Variants in FER observed in about 807,000 individuals in gnomAD.
FER encodes tyrosine-protein kinase Fer.
In FER, 63 loss-of-function variants were observed where a neutral mutation model predicts 111.0. The observed-to-expected ratio is 0.57, with a 90% CI of 0.46 to 0.70. FER has a LOEUF of 0.70. Among genes scored for constraint, FER ranks in the 30% least tolerant of loss-of-function variants. The pLI is 0.00. For missense variants in FER, 914 were observed against 954.0 expected (o/e 0.96, Z 0.55); for synonymous variants, 327 against 313.9 (o/e 1.04, Z -0.44).
At chr5:108,962,778 C>G (rs1759307108) in intron 13 of FER, among the ~76,000 whole-genome samples, 1 of 151,982 alleles carries the variant, frequency 6.6e-6, no homozygotes, top group Non-Finnish European at 1.5e-5. Context: ...GCTGTTATTG[C>G]TATAAAATAT....
intron 5 of FER, among the ~76,000 whole-genome samples, chr5:108,853,931 G>T (rs754680234): frequency 3.3e-5 from 5 of 152,216 alleles, no homozygotes; most frequent in African/African-American, 4.8e-5. Context: ...TAAGGAGACA[G>T]TTACTTCCAG....
chr5:108,805,497 T>G (rs1757110089), intron 3 of FER, among the ~76,000 whole-genome samples: 1 of 152,088 alleles, frequency 6.6e-6, no homozygotes, highest in Non-Finnish European at 1.5e-5. Flanking sequence ...TTGGAACAGT[T>G]TGGAAGGTTC....
intron 13 of FER, among the ~76,000 whole-genome samples, chr5:108,963,034 A>G (rs1412112244): frequency 1.3e-5 from 2 of 152,032 alleles, no homozygotes; most frequent in Admixed American, 6.6e-5. Context: ...ATCAAAAACT[A>G]TTTGTTTCTA....
At chr5:109,042,934 G>A (rs79007444) in intron 14 of FER, among the ~76,000 whole-genome samples, 1,972 of 152,250 alleles carry the variant, frequency 0.013, 21 homozygotes, top group Non-Finnish European at 0.022. Flanking sequence ...ATTGAGCAAA[G>A]CAGTAGTATA....
At chr5:108,930,974 A>G (rs1754587270) in intron 10 of FER, among the ~76,000 whole-genome samples, 1 of 151,656 alleles carries the variant, frequency 6.6e-6, no homozygotes, top group Non-Finnish European at 1.5e-5. Context: ...AAGGAAGAAA[A>G]CGATTTGACT....
rs1039164157 is a variant in FER, at chr5:108,979,705, A to G, written c.1656+20358A>G. On this transcript the variant is annotated intron_variant, in intron 13 of 19. Transcript: ENST00000281092. ...GAAAAATAATTCATCTTGTGAGCCA[A>G]TTTTTCTATGTTGACTAAGGGCCAT... is the stretch of plus-strand genomic sequence containing the variant. Among the ~76,000 whole-genome samples, 4 of 151,200 alleles carry G rather than the reference A, an allele frequency of 2.6e-5. 1 individual carries two copies. Among genetic ancestry groups the G allele is most frequent in the Admixed American group, 2.0e-4 (3 of 15,184 alleles).
chr5:108,984,201 T>G (rs1259976995), intron 13 of FER, among the ~76,000 whole-genome samples: 2 of 152,122 alleles, frequency 1.3e-5, no homozygotes, highest in Non-Finnish European at 2.9e-5. Context: ...GAATCCTGTC[T>G]TACCATTCTT....
chr5:109,091,539 A>T (rs1746760395), intron 16 of FER, among the ~76,000 whole-genome samples: 1 of 152,198 alleles, frequency 6.6e-6, no homozygotes, highest in South Asian at 2.1e-4. Context: ...GACTAGAGCA[A>T]TGCCTAGCAG....
At chr5:108,779,895 C>T (rs1292250020) in intron 2 of FER, among the ~76,000 whole-genome samples, 2 of 152,166 alleles carry the variant, frequency 1.3e-5, no homozygotes, top group Non-Finnish European at 1.5e-5. Context: ...TAATAAAATA[C>T]TAATTACCAC....
intron 17 of FER, among the ~76,000 whole-genome samples, chr5:109,152,579 A>T (rs1290399716): frequency 6.6e-6 from 1 of 152,032 alleles, no homozygotes; most frequent in Non-Finnish European, 1.5e-5. Context: ...AAAGGTCAAC[A>T]TATGTCTCTG....
intron 17 of FER, among the ~76,000 whole-genome samples, chr5:109,171,761 C>G (rs1757113438): frequency 6.6e-6 from 1 of 152,188 alleles, no homozygotes; most frequent in Admixed American, 6.6e-5. Context: ...AATACTGAGA[C>G]TAACTTCTGA....
chr5:109,006,108 A>G (rs913175758), intron 13 of FER, among the ~76,000 whole-genome samples: 1 of 150,132 alleles, frequency 6.7e-6, no homozygotes, highest in Non-Finnish European at 1.5e-5. Flanking sequence ...ATGTAGAGAG[A>G]AGCAGCATTA....
intron 5 of FER, among the ~76,000 whole-genome samples, chr5:108,864,686 C>G (rs1378157097): frequency 2.0e-5 from 3 of 152,182 alleles, no homozygotes; most frequent in Admixed American, 6.5e-5. Context: ...GGCATTATTT[C>G]TAAGGGCTCT....
At chr5:109,183,777 G>T (rs1021831111) in intron 18 of FER, among the ~76,000 whole-genome samples, 4 of 152,084 alleles carry the variant, frequency 2.6e-5, no homozygotes, top group Non-Finnish European at 5.9e-5. Flanking sequence ...GAAAAGTGGG[G>T]GGTGGGGCAT....
rs898313172 is a variant in FER, at chr5:108,749,030, T to A, written c.-206+1030T>A. 2 of 150,986 alleles carry A rather than the reference T, an allele frequency of 1.3e-5. 1 individual carries two copies. The highest frequency in any genetic ancestry group is 4.9e-5 in the African/African-American group (2 of 40,892). 9.4% of individuals were successfully genotyped at this position (150,986 alleles called of 1,614,324 possible). ...TCGCGCCGCCGGCGGTAGGCGCTGT[T>A]GCCCGGGGCAACGCGGGGGGAGGGG... On this transcript the variant is annotated intron_variant, in intron 1 of 19. Transcript: ENST00000281092.
chr5:108,891,811 C>T (rs956548367), intron 9 of FER, among the ~76,000 whole-genome samples: 3 of 152,064 alleles, frequency 2.0e-5, no homozygotes, highest in Non-Finnish European at 2.9e-5. Context: ...GCTATCCCTC[C>T]CCCTTCCCCC....
chr5:108,831,218 T>G (rs779318100), intron 3 of FER, among the ~76,000 whole-genome samples: 2 of 152,172 alleles, frequency 1.3e-5, no homozygotes, highest in Non-Finnish European at 2.9e-5. Flanking sequence ...TAAAGAATAT[T>G]TATTTTTTGA....
At chr5:108,931,314 T>G (rs1754638160) in intron 10 of FER, among the ~76,000 whole-genome samples, 1 of 152,190 alleles carries the variant, frequency 6.6e-6, no homozygotes, top group Non-Finnish European at 1.5e-5. Flanking sequence ...CTCTGTTTTT[T>G]CCATGTATTT....
rs79318401 is a variant in FER, at chr5:108,827,036, C to T, written c.208-5734C>T. On this transcript the variant is annotated intron_variant, in intron 3 of 19. Coordinates refer to ENST00000281092, the MANE Select transcript of FER (RefSeq NM_005246.4). The stretch of plus-strand genomic sequence containing the variant: ...ATTTAGATATTATTCAATAGCAAAA[C>T]ATTTGAGCTTTGCACTTTATTAGAG... 6.3e-3 allele frequency among the ~76,000 whole-genome samples: 962 copies of T among 152,196 alleles called. 12 individuals are homozygous for T. Among genetic ancestry groups the T allele is most frequent in the African/African-American group, 0.022 (910 of 41,526 alleles).
Sources: gnomAD v4.1 joint callset for allele counts (sites outside exome capture counted in the v4.1 genomes callset) on GRCh38, gnomAD v4.1.1 for gene constraint, MANE v1.5 for transcripts, NCBI Gene and HGNC (gene_info 2026-07-23, HGNC 2026-07-21) for gene names.